Variants in GPC6 observed in about 807,000 individuals in gnomAD.
GPC6 encodes glypican 6.
A neutral mutation model predicts 55.2 loss-of-function variants in GPC6; 14 were observed. The observed-to-expected ratio is 0.25, with a 90% CI of 0.17 to 0.40. The LOEUF (loss-of-function observed/expected upper bound fraction) is 0.40. GPC6 is among the 10% of genes least tolerant of loss of function. GPC6 has a pLI of 1.00. For missense variants in GPC6, 641 were observed against 708.5 expected (o/e 0.90, Z 1.08); for synonymous variants, 278 against 259.6 (o/e 1.07, Z -0.68).
intron 1 of GPC6, among the ~76,000 whole-genome samples, chr13:93,331,733 C>A (rs894043288): frequency 2.0e-5 from 3 of 152,028 alleles, no homozygotes; most frequent in Non-Finnish European, 4.4e-5. Context: ...TCAGTTTACC[C>A]TGCTGCTTCA....
Position 93,993,790 on chromosome 13 carries a change from T to G in GPC6, c.712-33939T>G, listed in dbSNP as rs118099707. Among the ~76,000 whole-genome samples the G allele has an allele frequency of 1.5e-3, 221 of 152,330 alleles. 1 individual carries two copies. The highest frequency in any genetic ancestry group is 5.0e-3 in the African/African-American group (207 of 41,576). On this transcript the variant is annotated intron_variant, in intron 3 of 8. Transcript: ENST00000377047. The stretch of plus-strand genomic sequence containing the variant: ...AATTCCTACTGTCCTTAAATCCAAT[T>G]TAGCCATTACATGATTACTATGGTT...
chr13:94,256,521 G>T (rs1891509008), intron 4 of GPC6, among the ~76,000 whole-genome samples: 1 of 152,168 alleles, frequency 6.6e-6, no homozygotes, highest in Non-Finnish European at 1.5e-5. Flanking sequence ...TCATCTCAAT[G>T]TATGGCATGG....
intron 3 of GPC6, among the ~76,000 whole-genome samples, chr13:94,020,354 C>T (rs905217170): frequency 8.5e-5 from 13 of 152,084 alleles, no homozygotes; most frequent in African/African-American, 9.7e-5. Context: ...ATACTTTGTA[C>T]GATTGCAATC....
At chr13:93,819,252 G>A (rs1467094495) in intron 2 of GPC6, among the ~76,000 whole-genome samples, 3 of 152,112 alleles carry the variant, frequency 2.0e-5, no homozygotes, top group Non-Finnish European at 4.4e-5. Flanking sequence ...CTAGCTTTGG[G>A]TCCACATCCC....
At chr13:93,791,550 G>C (rs1183946643) in intron 2 of GPC6, among the ~76,000 whole-genome samples, 1 of 152,162 alleles carries the variant, frequency 6.6e-6, no homozygotes, top group Non-Finnish European at 1.5e-5. Context: ...AGTATTATAT[G>C]TGAGCTTCAC....
In GPC6 at chr13:93,887,929, G is replaced by T. The variant is rs79419311; in HGVS notation, c.711+57384G>T. On this transcript the variant is annotated intron_variant, in intron 3 of 8. Coordinates refer to ENST00000377047, the MANE Select transcript of GPC6 (RefSeq NM_005708.5). ...TGGCATCAGGACATTCTGACTACGG[G>T]TTGTGGCTTATGGCCAGCAGTCCAT... 4.0e-3 allele frequency among the ~76,000 whole-genome samples: 610 copies of T among 152,198 alleles called. 2 individuals are homozygous for T. The highest frequency in any genetic ancestry group is 0.014 in the African/African-American group (562 of 41,542).
At chr13:94,170,983 G>A (rs1220050627) in intron 4 of GPC6, among the ~76,000 whole-genome samples, 5 of 152,174 alleles carry the variant, frequency 3.3e-5, no homozygotes, top group Admixed American at 2.6e-4. Context: ...TTCTTAAGAC[G>A]TTGGCTCTTT....
At chr13:94,387,283 A>T (rs893743503) in intron 7 of GPC6, among the ~76,000 whole-genome samples, 2 of 152,196 alleles carry the variant, frequency 1.3e-5, no homozygotes, top group Non-Finnish European at 2.9e-5. Flanking sequence ...CTGCAACAGG[A>T]GGCAGGGTAA....
intron 2 of GPC6, among the ~76,000 whole-genome samples, chr13:93,660,680 T>A (rs77229529): frequency 6.6e-6 from 1 of 152,200 alleles, no homozygotes; most frequent in Admixed American, 6.5e-5. Context: ...TTCTTTAGAG[T>A]TGTCTCTAGA....
intron 4 of GPC6, among the ~76,000 whole-genome samples, chr13:94,227,983 C>G (rs1890610130): frequency 6.6e-6 from 1 of 152,160 alleles, no homozygotes; most frequent in Non-Finnish European, 1.5e-5. Context: ...CAACAACATG[C>G]CTGCAAGTGA....
At chr13:93,549,918 T>C (rs1875049523) in intron 2 of GPC6, among the ~76,000 whole-genome samples, 1 of 152,182 alleles carries the variant, frequency 6.6e-6, no homozygotes, top group Admixed American at 6.5e-5. Flanking sequence ...ATAGTCATGT[T>C]ATATATAGGA....
chr13:94,288,198 A>G (rs1275827020), intron 5 of GPC6, among the ~76,000 whole-genome samples: 2 of 152,124 alleles, frequency 1.3e-5, no homozygotes, highest in Non-Finnish European at 2.9e-5. Flanking sequence ...CCAGACAATA[A>G]TAAGTAATAG....
At chr13:94,065,984 T>C (rs1351341501) in intron 4 of GPC6, among the ~76,000 whole-genome samples, 1 of 152,216 alleles carries the variant, frequency 6.6e-6, no homozygotes, top group African/African-American at 2.4e-5. Context: ...TTGAGATATT[T>C]CATTAGGTCT....
intron 2 of GPC6, among the ~76,000 whole-genome samples, chr13:93,735,189 C>T (rs1181028112): frequency 6.6e-6 from 1 of 152,122 alleles, no homozygotes; most frequent in African/African-American, 2.4e-5. Context: ...ACTCAATTAA[C>T]TATTTCGTGC....
At chr13:93,616,221 T>G (rs1345239139) in intron 2 of GPC6, among the ~76,000 whole-genome samples, 1 of 152,034 alleles carries the variant, frequency 6.6e-6, no homozygotes, top group African/African-American at 2.4e-5. Context: ...AACTAGCACA[T>G]TCAAAATAAA....
At chr13:94,261,317 A>C (rs969678221) in intron 4 of GPC6, among the ~76,000 whole-genome samples, 1 of 152,178 alleles carries the variant, frequency 6.6e-6, no homozygotes, top group African/African-American at 2.4e-5. Flanking sequence ...GCATTTGTTA[A>C]TGGTTTGGGC....
chr13:93,487,794 AGCT>A (rs1329696854), intron 1 of GPC6, among the ~76,000 whole-genome samples: 1 of 152,212 alleles, frequency 6.6e-6, no homozygotes, highest in Non-Finnish European at 1.5e-5. Context: ...TAGTCACTTA[AGCT>A]TATCAAAACC....
intron 3 of GPC6, among the ~76,000 whole-genome samples, chr13:94,000,943 C>A (rs1249016411): frequency 1.3e-5 from 2 of 152,064 alleles, no homozygotes; most frequent in African/African-American, 2.4e-5. Flanking sequence ...TCTTGGGATG[C>A]TTAGCGTTAC....
chr13:93,736,983 T>G (rs938095005), intron 2 of GPC6, among the ~76,000 whole-genome samples: 1 of 152,222 alleles, frequency 6.6e-6, no homozygotes, highest in African/African-American at 2.4e-5. Flanking sequence ...ATAAAAGGCA[T>G]GAGGAAATGA....
Sources: gnomAD v4.1 joint callset for allele counts (sites outside exome capture counted in the v4.1 genomes callset) on GRCh38, gnomAD v4.1.1 for gene constraint, MANE v1.5 for transcripts, NCBI Gene and HGNC (gene_info 2026-07-23, HGNC 2026-07-21) for gene names.